Variants in ZP3 observed in about 807,000 individuals in gnomAD.
The protein encoded by ZP3 is zona pellucida glycoprotein 3, also known as zona pellucida sperm-binding protein 3.
Under a neutral mutation model 35.6 loss-of-function variants are expected in ZP3, and 21 were observed. The observed-to-expected ratio is 0.59, with a 90% CI of 0.42 to 0.85. The LOEUF (loss-of-function observed/expected upper bound fraction) is 0.85, where lower values mean the gene tolerates loss of function less well. Ranked by LOEUF, ZP3 falls within the 40% of genes least tolerant of loss-of-function variation. The pLI, the probability that ZP3 is intolerant of heterozygous loss-of-function variation, is 0.00. For synonymous variants in ZP3, 207 were observed against 214.5 expected, an observed-to-expected ratio of 0.96 and a Z score of 0.31; for missense variants, 437 against 536.5, an observed-to-expected ratio of 0.81 and a Z score of 1.83.
intron 1 of ZP3, 120 bp downstream of exon 1, chr7:76,425,396 G>A: frequency 8.9e-7 from 1 of 1,129,666 alleles, no homozygotes; most frequent in Non-Finnish European, 1.2e-6. Context: ...TTGTAGGTGG[G>A]GAGGTGGCCC....
At chr7:76,427,487 G>A (rs1805702776) in intron 1 of ZP3, among the ~76,000 whole-genome samples, 1 of 140,868 alleles carries the variant, frequency 7.1e-6, no homozygotes, top group Non-Finnish European at 1.5e-5. Context: ...CTGCACTCCA[G>A]CCTGGGCAAC....
chr7:76,439,033 C>G, intron 5 of ZP3, among the ~76,000 whole-genome samples: 1 of 131,266 alleles, frequency 7.6e-6, no homozygotes, highest in Non-Finnish European at 1.6e-5. Context: ...ACTTGGGAGG[C>G]TGAGGCAGGA....
upstream of ZP3, among the ~76,000 whole-genome samples, chr7:76,423,504 GT>G (rs1172555150): frequency 6.6e-6 from 1 of 152,126 alleles, no homozygotes; most frequent in Non-Finnish European, 1.5e-5. Context: ...CACAACCTTG[GT>G]TTGATATTTG....
chr7:76,422,902 G>T (rs1805538924), upstream of ZP3, among the ~76,000 whole-genome samples: 1 of 150,150 alleles, frequency 6.7e-6, no homozygotes, highest in African/African-American at 2.5e-5. Flanking sequence ...GGAGGCTGAG[G>T]TGGAGAATCA....
chr7:76,398,748 T>C, intron 1 of ZP3: 1 of 1,613,456 alleles, frequency 6.2e-7, no homozygotes, highest in Non-Finnish European at 8.5e-7. Context: ...TCGTAGGAGG[T>C]GCTCTACTGG....
At chr7:76,400,295 G>T in intron 1 of ZP3, 1 of 1,491,490 alleles carries the variant, frequency 6.7e-7, no homozygotes, top group Non-Finnish European at 8.9e-7. Context: ...CCATCACACA[G>T]GACAGCCACA....
upstream of ZP3, among the ~76,000 whole-genome samples, chr7:76,422,149 G>T (rs7804934): frequency 6.6e-3 from 1,000 of 151,496 alleles, 16 homozygotes; most frequent in African/African-American, 0.023. Context: ...CGCCCACCTC[G>T]GCCTCCCAAA....
At chr7:76,400,773 G>A (rs961008253) in intron 1 of ZP3, among the ~76,000 whole-genome samples, 6 of 152,160 alleles carry the variant, frequency 3.9e-5, no homozygotes, top group African/African-American at 4.8e-5. Context: ...CTCCCAAAGC[G>A]CTAGGATCAC....
chr7:76,405,965 CTTCCT>C (rs1554622787), intron 1 of ZP3, among the ~76,000 whole-genome samples: 2 of 128,904 alleles, frequency 1.6e-5, no homozygotes, highest in Admixed American at 7.4e-5. Context: ...TTCCTTCCTT[CTTCCT>C]TTCCTTTCCT....
intron 1 of ZP3, among the ~76,000 whole-genome samples, chr7:76,402,164 C>T (rs1804852637): frequency 6.6e-6 from 1 of 151,044 alleles, no homozygotes. Flanking sequence ...GGACAAGCTC[C>T]TGCCACCCTG....
intron 1 of ZP3, among the ~76,000 whole-genome samples, chr7:76,406,519 T>C (rs1460631820): frequency 6.6e-6 from 1 of 152,074 alleles, no homozygotes; most frequent in African/African-American, 2.4e-5. Context: ...GGTCTCACTC[T>C]GTCACCCAGG....
intron 1 of ZP3, among the ~76,000 whole-genome samples, chr7:76,403,852 C>A (rs983705195): frequency 1.4e-5 from 2 of 147,210 alleles, no homozygotes; most frequent in Admixed American, 6.8e-5. Flanking sequence ...AGTAGGGACG[C>A]GGGTTTCACC....
Position 76,424,954 on chromosome 7 carries a change from C to T in ZP3, c.-11C>T, listed in dbSNP as rs1018142805. 3 of 1,519,866 alleles carry T rather than the reference C, an allele frequency of 2.0e-6. No homozygotes were observed. The highest frequency in any genetic ancestry group is 2.5e-5 in the East Asian group (1 of 40,476). The allele number at this position is 1,519,866 out of a possible 1,614,324, so 94.1% of individuals were successfully genotyped here. A position where few individuals can be genotyped will look rare whatever the true frequency, so the allele number is the denominator to read the frequency against. ...TGGCCAGAGGCGGCTGCCTGCTGCT[C>T]TGCAGGTACCATGGAGCTGAGCTAT... is the stretch of plus-strand genomic sequence containing the variant. On this transcript the variant is annotated 5_prime_UTR_variant, in exon 1 of 8. Transcript: ENST00000394857.
At chr7:76,428,405 A>C (rs1805733380) in intron 1 of ZP3, among the ~76,000 whole-genome samples, 1 of 152,176 alleles carries the variant, frequency 6.6e-6, no homozygotes, top group South Asian at 2.1e-4. Flanking sequence ...AGGTTGTAAA[A>C]ATACTGATTC....
chr7:76,440,811 G>GT (rs11459370), intron 7 of ZP3, among the ~76,000 whole-genome samples, 200 bp downstream of exon 7: 30,040 of 150,660 alleles, frequency 0.2, 3,154 homozygotes, highest in South Asian at 0.28. Flanking sequence ...GGCAGCCAGG[G>GT]AGATCTGCTG....
At chr7:76,437,470 C>CTTTTTTTTTT (rs71521129) in intron 5 of ZP3, among the ~76,000 whole-genome samples, 6 of 134,870 alleles carry the variant, frequency 4.4e-5, no homozygotes, top group Non-Finnish European at 8.0e-5. Context: ...ACACTCCCCT[C>CTTTTTTTTTT]TTTTTTTTTT....
chr7:76,406,035 G>A (rs984736420), intron 1 of ZP3, among the ~76,000 whole-genome samples: 18 of 151,422 alleles, frequency 1.2e-4, no homozygotes, highest in Non-Finnish European at 1.8e-4. Context: ...GTCCAGGCTG[G>A]AATGCAATGG....
At chr7:76,436,222 T>C (rs1301739286) in intron 5 of ZP3, among the ~76,000 whole-genome samples, 8 of 151,990 alleles carry the variant, frequency 5.3e-5, no homozygotes, top group East Asian at 1.9e-4. Flanking sequence ...GTGCCTGTTA[T>C]ATTTTTAGTA....
chr7:76,404,719 C>T (rs1386991093), intron 1 of ZP3, among the ~76,000 whole-genome samples: 1 of 151,246 alleles, frequency 6.6e-6, no homozygotes, highest in African/African-American at 2.4e-5. Flanking sequence ...TCGCTTGAAC[C>T]CAGGAGATCG....
Sources: gnomAD v4.1 joint callset for allele counts (sites outside exome capture counted in the v4.1 genomes callset) on GRCh38, gnomAD v4.1.1 for gene constraint, MANE v1.5 for transcripts, NCBI Gene and HGNC (gene_info 2026-07-23, HGNC 2026-07-21) for gene names.